Variants in CELF2 observed in about 807,000 individuals in gnomAD.
CELF2 encodes CUGBP Elav-like family member 2.
CELF2 carries 8 observed loss-of-function variants against 62.6 expected under a neutral mutation model. The observed-to-expected ratio is 0.13, with a 90% CI of 0.07 to 0.23. The LOEUF is 0.23. CELF2 is among the 10% of genes least tolerant of loss of function. The pLI is 1.00. For missense variants in CELF2, 333 were observed against 671.0 expected (o/e 0.50, Z 5.56); for synonymous variants, 258 against 250.0 (o/e 1.03, Z -0.30).
chr10:10,909,432 A>G (rs2063619259), intron 1 of CELF2, among the ~76,000 whole-genome samples: 1 of 152,132 alleles, frequency 6.6e-6, no homozygotes, highest in Non-Finnish European at 1.5e-5. Flanking sequence ...CCATCAAACC[A>G]CTTCATTCTG....
At position 11,098,674 on chromosome 10, in the gene CELF2, T is replaced by TTA. The variant is rs764069674; in HGVS notation, c.75-66811_75-66810insAT. ...GTATAAATGTGTCATGAGCACACTG[T>TTA]TTTCTCTGTAGAAATAACAAAGGCC... On this transcript the variant is annotated intron_variant, in intron 1 of 12. Coordinates refer to ENST00000633077, the MANE Select transcript of CELF2 (RefSeq NM_001326342.2). The surrounding 1 kb of genome is among the most constrained non-coding windows in gnomAD (Gnocchi z 4.0). Among the ~76,000 whole-genome samples the TTA allele has an allele frequency of 3.3e-5, 5 of 152,208 alleles. No homozygotes were observed. The highest frequency in any genetic ancestry group is 7.3e-5 in the Non-Finnish European group (5 of 68,046).
At chr10:10,939,286 T>G (rs112708549) in intron 2 of CELF2, among the ~76,000 whole-genome samples, 3 of 149,238 alleles carry the variant, frequency 2.0e-5, no homozygotes, top group Admixed American at 6.6e-5. Context: ...GGTGTTGTTG[T>G]TGTTGTTGTT....
Position 11,033,742 on chromosome 10 carries a change from A to C in CELF2, c.74+15579A>C, listed in dbSNP as rs146431783. On this transcript the variant is annotated intron_variant, in intron 1 of 12. Transcript: ENST00000633077. ...GTTTCTTGTGAGCCCCTACAGTGGC[A>C]AATTGATTCCCCTGTAGTGTTGTAA... Among the ~76,000 whole-genome samples, 854 of 152,374 alleles carry C rather than the reference A, an allele frequency of 5.6e-3. 5 individuals carry two copies. The highest frequency in any genetic ancestry group is 0.017 in the Middle Eastern group (5 of 294).
intron 1 of CELF2, among the ~76,000 whole-genome samples, chr10:11,161,740 A>G (rs1430312701): frequency 6.6e-6 from 1 of 152,168 alleles, no homozygotes; most frequent in African/African-American, 2.4e-5. Flanking sequence ...AAGAGAAGCA[A>G]GCTAGTCTGA....
rs145904958 is a variant in CELF2 at position 11,193,387 on chromosome 10, G to C, written c.272-24038G>C. 5.6e-4 allele frequency among the ~76,000 whole-genome samples: 85 copies of C among 152,334 alleles called. No individual in the cohort carries two copies. The Middle Eastern group carries it at 0.01, about 18-fold the overall frequency. On this transcript the variant is annotated intron_variant, in intron 2 of 12. Transcript: ENST00000633077. Reference sequence around the variant, plus strand: ...TCACACATTTCTGTGAATGTGTAGAGAATAACTCCAAAGTTTCACCGTGAC... The same window carrying C: ...TCACACATTTCTGTGAATGTGTAGACAATAACTCCAAAGTTTCACCGTGAC...
At chr10:10,750,373 G>A in the CELF2 span, among the ~76,000 whole-genome samples, 1 of 152,116 alleles carries the variant, frequency 6.6e-6, no homozygotes, top group South Asian at 2.1e-4. Flanking sequence ...TGTAGTATTT[G>A]GTTAGAGCTC....
At chr10:11,251,670 C>T (rs970528184) in intron 4 of CELF2, among the ~76,000 whole-genome samples, 1 of 152,072 alleles carries the variant, frequency 6.6e-6, no homozygotes, top group Non-Finnish European at 1.5e-5. Context: ...TACTCAGCAT[C>T]AGTGTCTCTT....
the CELF2 span, among the ~76,000 whole-genome samples, chr10:10,673,035 T>C: frequency 6.6e-6 from 1 of 150,628 alleles, no homozygotes; most frequent in African/African-American, 2.4e-5. Flanking sequence ...TTCCTAAGCA[T>C]TTTTTTTTGA....
intron 2 of CELF2, among the ~76,000 whole-genome samples, chr10:10,930,363 T>A (rs1029671596): frequency 1.3e-5 from 2 of 152,234 alleles, no homozygotes; most frequent in African/African-American, 2.4e-5. Flanking sequence ...AGCCCTGCCC[T>A]AATTTTTTTC....
intron 2 of CELF2, among the ~76,000 whole-genome samples, chr10:10,985,205 GT>G (rs1265413038): frequency 6.6e-6 from 1 of 152,046 alleles, no homozygotes; most frequent in African/African-American, 2.4e-5. Flanking sequence ...ATATTAAAAT[GT>G]ACAGGGGTTC....
intron 1 of CELF2, among the ~76,000 whole-genome samples, chr10:10,904,991 A>G (rs912691756): frequency 6.6e-6 from 1 of 152,130 alleles, no homozygotes; most frequent in African/African-American, 2.4e-5. Flanking sequence ...ATGTCTCTTG[A>G]TCATGATTAG....
chr10:10,666,071 G>T, the CELF2 span, among the ~76,000 whole-genome samples: 2 of 152,200 alleles, frequency 1.3e-5, no homozygotes, highest in African/African-American at 4.8e-5. Flanking sequence ...TGCAGCCCTG[G>T]CTGTGTTTCC....
intron 1 of CELF2, among the ~76,000 whole-genome samples, chr10:11,059,279 T>C (rs1271230526): frequency 6.6e-6 from 1 of 152,222 alleles, no homozygotes; most frequent in Non-Finnish European, 1.5e-5. Flanking sequence ...TGACTTGATT[T>C]GACTAGACTT....
intron 1 of CELF2, among the ~76,000 whole-genome samples, chr10:11,118,052 C>A (rs772904785): frequency 6.0e-5 from 9 of 151,026 alleles, no homozygotes; most frequent in Non-Finnish European, 1.3e-4. Flanking sequence ...AGATGCTCAA[C>A]AAATAGTAAT....
the CELF2 span, among the ~76,000 whole-genome samples, chr10:10,603,763 A>G: frequency 4.0e-5 from 6 of 149,904 alleles, no homozygotes; most frequent in Non-Finnish European, 8.9e-5. Flanking sequence ...GCAGGGAAGC[A>G]AAGTCTAGGA....
chr10:11,065,571 G>T (rs2067890905), intron 1 of CELF2, among the ~76,000 whole-genome samples: 1 of 151,954 alleles, frequency 6.6e-6, no homozygotes. Flanking sequence ...AATGAGGGGG[G>T]GATCCCACAA....
intron 1 of CELF2, among the ~76,000 whole-genome samples, chr10:11,048,795 G>T (rs973938269): frequency 2.0e-5 from 3 of 152,202 alleles, no homozygotes; most frequent in Non-Finnish European, 4.4e-5. Flanking sequence ...ACAAATGTAG[G>T]TGTATGAATT....
intron 3 of CELF2, among the ~76,000 whole-genome samples, chr10:11,239,361 C>T (rs1041535146): frequency 2.6e-5 from 4 of 152,132 alleles, no homozygotes; most frequent in African/African-American, 4.8e-5. Context: ...TTTTCTCCAT[C>T]ACTAGATTAT....
intron 1 of CELF2, among the ~76,000 whole-genome samples, chr10:11,114,346 C>T (rs1224036459): frequency 6.6e-6 from 1 of 152,126 alleles, no homozygotes; most frequent in Non-Finnish European, 1.5e-5. Context: ...TGCCAGTACA[C>T]AACAAATGTG....
Sources: gnomAD v4.1 joint callset for allele counts (sites outside exome capture counted in the v4.1 genomes callset) on GRCh38, gnomAD v4.1.1 for gene constraint, Gnocchi (gnomAD v3.1) non-coding constraint, MANE v1.5 for transcripts, NCBI Gene and HGNC (gene_info 2026-07-23, HGNC 2026-07-21) for gene names.